WWOX: variants seen among roughly 807,000 people sequenced by gnomAD.
WWOX encodes the protein WW domain-containing oxidoreductase.
WWOX carries 69 observed loss-of-function variants against 46.2 expected under a neutral mutation model. The observed-to-expected ratio is 1.49, with a 90% CI of 1.23 to 1.82. The LOEUF (loss-of-function observed/expected upper bound fraction) is 1.82, where lower values mean the gene tolerates loss of function less well. WWOX is among the 40% of genes most tolerant of loss of function. WWOX has a pLI of 0.00. For synonymous variants in WWOX, 359 were observed against 202.6 expected, an observed-to-expected ratio of 1.77 and a Z score of -6.56; for missense variants, 919 against 542.6, an observed-to-expected ratio of 1.69 and a Z score of -6.89.
intron 8 of WWOX, among the ~76,000 whole-genome samples, chr16:78,449,001 T>C (rs1477261646): frequency 6.6e-6 from 1 of 152,216 alleles, no homozygotes; most frequent in Admixed American, 6.5e-5. Context: ...GTGTCCTGTT[T>C]CTTAAAGATA....
intron 4 of WWOX, among the ~76,000 whole-genome samples, chr16:78,128,009 A>G (rs2033430974): frequency 6.6e-6 from 1 of 152,238 alleles, no homozygotes; most frequent in South Asian, 2.1e-4. Flanking sequence ...AAGTAAAACA[A>G]TGTGTGAAAT....
chr16:78,760,570 C>T (rs959759844), intron 8 of WWOX, among the ~76,000 whole-genome samples: 1 of 152,198 alleles, frequency 6.6e-6, no homozygotes, highest in African/African-American at 2.4e-5. Flanking sequence ...AGGATGCCCA[C>T]AATGCACTTG....
At chr16:79,053,825 T>C (rs1328800715) in intron 8 of WWOX, among the ~76,000 whole-genome samples, 3 of 152,170 alleles carry the variant, frequency 2.0e-5, no homozygotes, top group Admixed American at 6.5e-5. Flanking sequence ...TTCAGAAATT[T>C]GCAGCTTCTA....
chr16:78,668,406 T>A (rs960200912), intron 8 of WWOX, among the ~76,000 whole-genome samples: 11 of 152,248 alleles, frequency 7.2e-5, no homozygotes, highest in African/African-American at 2.4e-4. Context: ...AAGATAAATG[T>A]CGTAAGGTAA....
intron 8 of WWOX, among the ~76,000 whole-genome samples, chr16:78,775,312 C>G (rs1031476956): frequency 6.6e-6 from 1 of 152,096 alleles, no homozygotes; most frequent in Non-Finnish European, 1.5e-5. Flanking sequence ...CACAGCAATG[C>G]CTTTGAGAAT....
chr16:78,415,563 G>A (rs1329641229), intron 6 of WWOX, among the ~76,000 whole-genome samples: 1 of 152,150 alleles, frequency 6.6e-6, no homozygotes, highest in Non-Finnish European at 1.5e-5. Flanking sequence ...ACAAACCTCT[G>A]AGACTAAGGA....
chr16:78,302,289 A>T (rs1043177291), intron 5 of WWOX, among the ~76,000 whole-genome samples: 1 of 152,086 alleles, frequency 6.6e-6, no homozygotes, highest in Admixed American at 6.5e-5. Flanking sequence ...TGTGTTTTTC[A>T]TATTCCCAAA....
rs983813813 is a variant in WWOX at position 78,937,223 on chromosome 16, A to G, written c.1057-274385A>G. 4.6e-5 allele frequency among the ~76,000 whole-genome samples: 7 copies of G among 152,300 alleles called. No homozygotes were observed. The East Asian group carries it at 5.8e-4, about 13-fold the overall frequency. On this transcript the variant is annotated intron_variant, in intron 8 of 8. Transcript: ENST00000566780. ...AGCAGAGCAGAAGAGAAAACTTTCA[A>G]CTTTTAATAGTATTTCAAATTTACC...
intron 4 of WWOX, among the ~76,000 whole-genome samples, chr16:78,156,796 C>G (rs182131249): frequency 6.6e-6 from 1 of 152,098 alleles, no homozygotes; most frequent in Non-Finnish European, 1.5e-5. Flanking sequence ...TGGTGGCACG[C>G]GCCTGTAATC....
At chr16:78,722,527 A>G (rs763449702) in intron 8 of WWOX, among the ~76,000 whole-genome samples, 1 of 152,084 alleles carries the variant, frequency 6.6e-6, no homozygotes, top group East Asian at 1.9e-4. Context: ...ATTTTATTTC[A>G]TGGAGTTCAG....
chr16:78,513,237 A>G (rs17720532), intron 8 of WWOX, among the ~76,000 whole-genome samples: 6,723 of 152,312 alleles, frequency 0.044, 305 homozygotes, highest in East Asian at 0.18. Context: ...TTATACTTCA[A>G]AGATGCTAAA....
chr16:79,189,690 A>T (rs1206185817), intron 8 of WWOX, among the ~76,000 whole-genome samples: 1 of 151,988 alleles, frequency 6.6e-6, no homozygotes, highest in Non-Finnish European at 1.5e-5. Context: ...AATAGATGTT[A>T]GCTAGGAGAG....
chr16:78,204,863 G>T (rs557863955), intron 5 of WWOX, among the ~76,000 whole-genome samples: 14 of 152,282 alleles, frequency 9.2e-5, no homozygotes, highest in Non-Finnish European at 2.1e-4. Context: ...TTACCTCCTT[G>T]CCATTAGTTA....
rs956594449 is a variant in WWOX, at chr16:78,967,558, G to T, written c.1057-244050G>T. The stretch of plus-strand genomic sequence containing the variant: ...GAGTCCAGGTGATCCACCCATCTTG[G>T]CCTCCCAGAGTGCTGGGATTACAGG... On this transcript the variant is annotated intron_variant, in intron 8 of 8. Transcript: ENST00000566780. Among the ~76,000 whole-genome samples the T allele has an allele frequency of 6.0e-5, 9 of 148,768 alleles. No individual in the cohort carries two copies. In the East Asian group the frequency reaches 8.0e-4, roughly 13 times the overall value.
chr16:78,484,740 G>A (rs1253793192), intron 8 of WWOX, among the ~76,000 whole-genome samples: 1 of 152,154 alleles, frequency 6.6e-6, no homozygotes, highest in Non-Finnish European at 1.5e-5. Context: ...ATGAAATACA[G>A]GAAGTGGACC....
rs112397610 is a variant in WWOX at position 78,954,928 on chromosome 16, C to T, written c.1057-256680C>T. Among the ~76,000 whole-genome samples, 1,398 of 152,066 alleles carry T rather than the reference C, an allele frequency of 9.2e-3. 12 individuals carry two copies. The highest frequency in any genetic ancestry group is 0.01 in the Non-Finnish European group (698 of 67,998). On this transcript the variant is annotated intron_variant, in intron 8 of 8. Transcript: ENST00000566780. ...CCTCAGTTTCCTGAGTAGCTGAGAC[C>T]ACAGGCACGGGACACCATGCCAGTC... is the stretch of plus-strand genomic sequence containing the variant.
chr16:79,092,621 G>A (rs1597368387), intron 8 of WWOX, among the ~76,000 whole-genome samples: 2 of 152,142 alleles, frequency 1.3e-5, no homozygotes, highest in African/African-American at 2.4e-5. Context: ...TTCATCTGGC[G>A]AAACCCCTTT....
At chr16:78,099,940 G>A (rs953377116) in intron 1 of WWOX, 55 bp downstream of exon 1, 5 of 1,535,782 alleles carry the variant, frequency 3.3e-6, no homozygotes, top group Middle Eastern at 2.0e-4. Flanking sequence ...ACAGCCCACG[G>A]ACGCCACCTG....
At chr16:78,114,399 C>G (rs1297584895) in intron 3 of WWOX, among the ~76,000 whole-genome samples, 1 of 152,214 alleles carries the variant, frequency 6.6e-6, no homozygotes, top group East Asian at 1.9e-4. Context: ...TGTGCCCAGC[C>G]TCCAGTATAT....
Sources: allele counts gnomAD v4.1 joint callset (sites outside exome capture counted in the v4.1 genomes callset), GRCh38; gene constraint gnomAD v4.1.1; transcripts MANE v1.5; gene names NCBI Gene and HGNC (gene_info 2026-07-23, HGNC 2026-07-21).